SCMH1: variants seen among roughly 807,000 people sequenced by gnomAD.
SCMH1 encodes the protein Scm polycomb group protein homolog 1, also known as polycomb protein SCMH1.
Under a neutral mutation model 70.8 loss-of-function variants are expected in SCMH1, and 37 were observed. The ratio of observed to expected loss-of-function variants is 0.52; its 90% CI spans 0.40 to 0.69. SCMH1 has a LOEUF of 0.69. SCMH1 is among the 30% of genes least tolerant of loss of function. The pLI, the probability that SCMH1 is intolerant of heterozygous loss-of-function variation, is 0.00. For missense variants in SCMH1, 607 were observed against 827.3 expected, an observed-to-expected ratio of 0.73 and a Z score of 3.27; for synonymous variants, 292 against 307.4, an observed-to-expected ratio of 0.95 and a Z score of 0.52.
At chr1:41,089,787 C>CTGTTTTTTTT (rs1240914488) in intron 8 of SCMH1, among the ~76,000 whole-genome samples, 1 of 58,756 alleles carries the variant, frequency 1.7e-5, no homozygotes, top group African/African-American at 7.4e-5. Context: ...CATGTTGTCT[C>CTGTTTTTTTT]TTTTTTTTTT....
Position 41,193,272 on chromosome 1 carries a change from C to G in SCMH1, c.-117-7022G>C, listed in dbSNP as rs542296135. Among the ~76,000 whole-genome samples the G allele has an allele frequency of 2.6e-5, 4 of 152,338 alleles. No homozygotes were observed. The East Asian group carries it at 7.7e-4, about 29-fold the overall frequency. The stretch of plus-strand genomic sequence containing the variant: ...CATACAGATCCTTATAAGGAAAGAA[C>G]TGTAGCTCTTATTTTATTCATTAAA... On this transcript the variant is annotated intron_variant, in intron 1 of 14. Coordinates refer to ENST00000337495, the Ensembl canonical transcript of SCMH1.
intron 13 of SCMH1, among the ~76,000 whole-genome samples, chr1:41,030,089 G>A (rs973130550): frequency 3.3e-5 from 5 of 152,122 alleles, no homozygotes; most frequent in Non-Finnish European, 7.4e-5. Context: ...GGTGGCACAT[G>A]CTTGCAGTCC....
chr1:41,206,768 A>G (rs1208206069), intron 1 of SCMH1, among the ~76,000 whole-genome samples: 2 of 152,230 alleles, frequency 1.3e-5, no homozygotes, highest in Non-Finnish European at 2.9e-5. Context: ...AAATCAAGGA[A>G]AAAATGTTAA....
At chr1:41,100,561 CTT>C (rs67368837) in intron 8 of SCMH1, among the ~76,000 whole-genome samples, 6 of 67,426 alleles carry the variant, frequency 8.9e-5, no homozygotes, top group African/African-American at 2.3e-4. Context: ...CTTTTCTTTT[CTT>C]TTTCTTTTTT....
chr1:41,178,113 G>A lies in SCMH1; in HGVS notation c.13+8008C>T, dbSNP rs7554627. Among the ~76,000 whole-genome samples the A allele has an allele frequency of 3.3e-5, 5 of 152,170 alleles. No homozygotes were observed. In the South Asian group the frequency reaches 8.3e-4, roughly 25 times the overall value. ...ATTCTTAAAGAAAAGAATTTTCAAC[G>A]CAGAATTTCATATCCAGCCAAACTA... On this transcript the variant is annotated intron_variant, in intron 2 of 14. Coordinates refer to ENST00000337495, the Ensembl canonical transcript of SCMH1.
chr1:41,171,581 T>C (rs768454567), intron 2 of SCMH1, among the ~76,000 whole-genome samples: 20 of 151,832 alleles, frequency 1.3e-4, no homozygotes, highest in South Asian at 2.1e-4. Context: ...ACTTTTACTG[T>C]CATCCAACAG....
chr1:41,133,008 T>C (rs775939444), intron 6 of SCMH1, among the ~76,000 whole-genome samples: 37 of 152,312 alleles, frequency 2.4e-4, no homozygotes, highest in South Asian at 1.7e-3. Flanking sequence ...TTGCTTAGGA[T>C]TGTCTTGGTC....
chr1:41,069,143 A>G (rs907332468), intron 10 of SCMH1, among the ~76,000 whole-genome samples: 3 of 152,378 alleles, frequency 2.0e-5, no homozygotes, highest in African/African-American at 7.2e-5. Flanking sequence ...TAATCACGGT[A>G]TACTACATGG....
Position 41,113,677 on chromosome 1 carries a change from A to G in SCMH1, c.502-151T>C. On this transcript the variant is annotated intron_variant, in intron 7 of 14. Transcript: ENST00000337495. The surrounding 1 kb of genome is among the most constrained non-coding windows in gnomAD (Gnocchi z 4.3). ...TTCTTTTAAATTAATTTTAAATTCA[A>G]TATTTCAATATTTAAAGTATTACTT... 1 of 710,982 alleles carries G rather than the reference A, an allele frequency of 1.4e-6. No homozygotes were observed. Among genetic ancestry groups the G allele is most frequent in the Non-Finnish European group, 2.0e-6 (1 of 500,302 alleles). 44.0% of individuals were successfully genotyped at this position (710,982 alleles called of 1,614,324 possible). A position where few individuals can be genotyped will look rare whatever the true frequency, so the allele number is the denominator to read the frequency against.
intron 5 of SCMH1, 83 bp downstream of exon 5, chr1:41,151,531 C>T: frequency 1.9e-6 from 2 of 1,074,112 alleles, no homozygotes; most frequent in Non-Finnish European, 2.7e-6. Context: ...AGCCCAAGGG[C>T]TTCCACCTCC....
At chr1:41,139,177 A>C (rs1011374889) in intron 6 of SCMH1, among the ~76,000 whole-genome samples, 2 of 151,910 alleles carry the variant, frequency 1.3e-5, no homozygotes, top group Non-Finnish European at 2.9e-5. Context: ...TCTCCTTTCC[A>C]ATTCCAATAG....
chr1:41,170,109 C>G (rs933204478), intron 2 of SCMH1, among the ~76,000 whole-genome samples: 1 of 152,158 alleles, frequency 6.6e-6, no homozygotes. Flanking sequence ...ATGTATTGCT[C>G]CTGGGGGATG....
intron 1 of SCMH1, among the ~76,000 whole-genome samples, chr1:41,222,447 C>A (rs1044825994): frequency 6.6e-6 from 1 of 152,130 alleles, no homozygotes; most frequent in African/African-American, 2.4e-5. Flanking sequence ...TATATAAGCA[C>A]CTTTACCTTC....
chr1:41,237,635 C>T (rs1662657250), intron 1 of SCMH1, among the ~76,000 whole-genome samples: 1 of 152,182 alleles, frequency 6.6e-6, no homozygotes, highest in African/African-American at 2.4e-5. Context: ...AATACTCAAA[C>T]CTGTGGTAGC....
intron 10 of SCMH1, among the ~76,000 whole-genome samples, chr1:41,056,936 C>T (rs1650528344): frequency 1.3e-5 from 2 of 152,186 alleles, no homozygotes; most frequent in Admixed American, 1.3e-4. Flanking sequence ...GCCCTCTGTT[C>T]TCAACAAGGT....
At chr1:41,203,554 A>C (rs1268259866) in intron 1 of SCMH1, among the ~76,000 whole-genome samples, 1 of 152,230 alleles carries the variant, frequency 6.6e-6, no homozygotes, top group Non-Finnish European at 1.5e-5. Context: ...AACTGGTCCC[A>C]AAACTGGCCA....
intron 8 of SCMH1, among the ~76,000 whole-genome samples, chr1:41,107,805 A>G (rs577386417): frequency 1.3e-5 from 2 of 152,356 alleles, no homozygotes; most frequent in East Asian, 3.9e-4. Flanking sequence ...GGCGTGAGCC[A>G]CTGCGCCTAG....
intron 1 of SCMH1, among the ~76,000 whole-genome samples, chr1:41,208,906 T>C (rs1573077142): frequency 6.6e-6 from 1 of 151,966 alleles, no homozygotes; most frequent in African/African-American, 2.4e-5. Context: ...GAGAGAAACA[T>C]AAAAAACCCT....
At chr1:41,054,440 T>C (rs1649472152) in intron 10 of SCMH1, among the ~76,000 whole-genome samples, 1 of 152,062 alleles carries the variant, frequency 6.6e-6, no homozygotes, top group Non-Finnish European at 1.5e-5. Context: ...AATTTACAAA[T>C]AAAATTTCTT....
Sources: allele counts gnomAD v4.1 joint callset (sites outside exome capture counted in the v4.1 genomes callset), GRCh38; gene constraint gnomAD v4.1.1; non-coding constraint Gnocchi (gnomAD v3.1); transcripts MANE v1.5; gene names NCBI Gene and HGNC (gene_info 2026-07-23, HGNC 2026-07-21).